PARD3: variants seen among roughly 807,000 people sequenced by gnomAD.
PARD3 encodes the protein partitioning defective 3 homolog.
A neutral mutation model predicts 155.4 loss-of-function variants in PARD3; 75 were observed. The observed-to-expected ratio is 0.48, with a 90% CI of 0.40 to 0.58. The LOEUF (loss-of-function observed/expected upper bound fraction) is 0.58. Ranked by LOEUF, PARD3 falls within the 20% of genes least tolerant of loss-of-function variation. The probability of loss-of-function intolerance (pLI) is 0.00; values close to 1 mark genes in which losing one functional copy is unlikely to be tolerated. For missense variants in PARD3, 1,642 were observed against 1,721.7 expected (o/e 0.95, Z 0.82); for synonymous variants, 576 against 610.5 (o/e 0.94, Z 0.83).
chr10:34,323,899 T>C (rs1958526559), intron 19 of PARD3, among the ~76,000 whole-genome samples: 1 of 152,314 alleles, frequency 6.6e-6, no homozygotes, highest in Admixed American at 6.5e-5. Flanking sequence ...CTGTTTTCTG[T>C]CCATGGGGAC....
At chr10:34,657,540 G>GTTTC (rs919945877) in intron 2 of PARD3, among the ~76,000 whole-genome samples, 1 of 151,822 alleles carries the variant, frequency 6.6e-6, no homozygotes, top group Non-Finnish European at 1.5e-5. Context: ...TTGTTTGTTT[G>GTTTC]TTTGTTTGTT....
intron 3 of PARD3, among the ~76,000 whole-genome samples, chr10:34,510,811 T>A (rs2081358599): frequency 1.3e-5 from 2 of 152,158 alleles, no homozygotes; most frequent in South Asian, 4.1e-4. Context: ...TGAAGAAAAT[T>A]CTAGAGATAT....
chr10:34,407,547 T>G (rs547145941), intron 5 of PARD3, among the ~76,000 whole-genome samples: 12 of 152,314 alleles, frequency 7.9e-5, no homozygotes, highest in African/African-American at 2.9e-4. Flanking sequence ...TTTATAGTTT[T>G]TCAAGTCTCA....
chr10:34,117,938 T>C (rs1363778260), intron 24 of PARD3, among the ~76,000 whole-genome samples: 1 of 152,112 alleles, frequency 6.6e-6, no homozygotes, highest in Non-Finnish European at 1.5e-5. Context: ...AAGCCCTTGA[T>C]AGCAACGGGC....
rs572730078 is a variant in PARD3, at chr10:34,591,971, C to T, written c.223-74812G>A. Among the ~76,000 whole-genome samples, 68 of 152,268 alleles carry T rather than the reference C, an allele frequency of 4.5e-4. 1 individual carries two copies. The South Asian group carries it at 0.012, about 26-fold the overall frequency. On this transcript the variant is annotated intron_variant, in intron 2 of 24. Transcript: ENST00000374788. ...AGAAAGCCACAAGGGAGATTAGCAA[C>T]GACTTGAAACACAGACAGGGATTTA...
rs1484598500 is a variant in PARD3, at chr10:34,382,572, AT to A, written c.1366del (p.Ile456Ter). On this transcript the variant is annotated frameshift_variant, in exon 9 of 25. Transcript: ENST00000374788. LOFTEE classifies it high-confidence loss of function. Reference sequence around the variant, plus strand: ...AAGCTGGATATTAAGCCTCTTGCCTATTTTTTTGGTGTTATAACCACTGCTT... The same window carrying A: ...AAGCTGGATATTAAGCCTCTTGCCTATTTTTTGGTGTTATAACCACTGCTT... The part of the protein sequence containing the change: ...TVSSGYNTKK[I>X]GKRLNIQLKK... The A allele has an allele frequency of 6.2e-7, 1 of 1,613,318 alleles. No individual in the cohort carries two copies. Among genetic ancestry groups the A allele is most frequent in the Non-Finnish European group, 8.5e-7 (1 of 1,179,914 alleles).
intron 22 of PARD3, among the ~76,000 whole-genome samples, chr10:34,268,187 C>T (rs1955424938): frequency 6.6e-6 from 1 of 152,096 alleles, no homozygotes; most frequent in South Asian, 2.1e-4. Context: ...AAATATATAG[C>T]CATTAAAACA....
chr10:34,122,488 G>C (rs1168560507), intron 23 of PARD3, among the ~76,000 whole-genome samples: 1 of 152,146 alleles, frequency 6.6e-6, no homozygotes, highest in East Asian at 1.9e-4. Flanking sequence ...AACTTAAAAG[G>C]AGTGAATGAG....
At chr10:34,511,385 G>A (rs2081389486) in intron 3 of PARD3, among the ~76,000 whole-genome samples, 3 of 152,138 alleles carry the variant, frequency 2.0e-5, no homozygotes, top group Non-Finnish European at 4.4e-5. Flanking sequence ...CTCTAACAGA[G>A]TACCTGACAC....
rs547518492 is a variant in PARD3, at chr10:34,301,948, C to A, written c.3065+15159G>T. 5.9e-5 allele frequency among the ~76,000 whole-genome samples: 9 copies of A among 151,840 alleles called. No homozygotes were observed. In the South Asian group the frequency reaches 1.9e-3, roughly 32 times the overall value. ...CTGGCCACAATTTTTACAAAAGCTG[C>A]CTCACAGTTCCTGACATCACTCTGG... On this transcript the variant is annotated intron_variant, in intron 20 of 24. Coordinates refer to ENST00000374788, the MANE Select transcript of PARD3 (RefSeq NM_001184785.2).
rs937659940 is a variant in PARD3 at position 34,182,408 on chromosome 10, T to C, written c.3420-50825A>G. On this transcript the variant is annotated intron_variant, in intron 22 of 24. Transcript: ENST00000374788. Reference sequence around the variant, plus strand: ...CCACTTCATCTGACTTACACTTTAGTAGAGATGTATGTGTGTGTACATAAA... The same window carrying C: ...CCACTTCATCTGACTTACACTTTAGCAGAGATGTATGTGTGTGTACATAAA... 3.9e-5 allele frequency among the ~76,000 whole-genome samples: 6 copies of C among 152,248 alleles called. No individual in the cohort carries two copies. In the East Asian group the frequency reaches 9.6e-4, roughly 24 times the overall value.
intron 5 of PARD3, among the ~76,000 whole-genome samples, chr10:34,446,136 T>C (rs1245059577): frequency 6.6e-6 from 1 of 152,130 alleles, no homozygotes; most frequent in Admixed American, 6.5e-5. Flanking sequence ...CTGTTCCCCT[T>C]CCTCTGTGCA....
chr10:34,339,720 T>C (rs1836595044), intron 16 of PARD3, among the ~76,000 whole-genome samples: 1 of 152,186 alleles, frequency 6.6e-6, no homozygotes, highest in Non-Finnish European at 1.5e-5. Context: ...GTGAACTACA[T>C]GTACAATTTA....
Position 34,632,155 on chromosome 10 carries a change from A to G in PARD3, c.222+64163T>C, listed in dbSNP as rs570596519. On this transcript the variant is annotated intron_variant, in intron 2 of 24. Coordinates refer to ENST00000374788, the MANE Select transcript of PARD3 (RefSeq NM_001184785.2). The stretch of plus-strand genomic sequence containing the variant: ...GCACCTGTAATCCCAGCTACTTGAG[A>G]GGCTGAGGCACCAGAATTGCTTGGA... Among the ~76,000 whole-genome samples, 9 of 152,308 alleles carry G rather than the reference A, an allele frequency of 5.9e-5. No homozygotes were observed. The South Asian group carries it at 6.2e-4, about 11-fold the overall frequency.
At chr10:34,317,958 C>T (rs1958114675) in intron 19 of PARD3, among the ~76,000 whole-genome samples, 1 of 152,200 alleles carries the variant, frequency 6.6e-6, no homozygotes, top group Admixed American at 6.5e-5. Context: ...GTAAATGCTA[C>T]TATATATTCT....
chr10:34,537,404 A>T (rs1005998844), intron 2 of PARD3, among the ~76,000 whole-genome samples: 1 of 152,260 alleles, frequency 6.6e-6, no homozygotes, highest in African/African-American at 2.4e-5. Flanking sequence ...TTTCTGGTGA[A>T]GAATGAGAGA....
rs2088128042 is a variant in PARD3 at position 34,586,995 on chromosome 10, A to AT, written c.223-69837dup. Among the ~76,000 whole-genome samples the AT allele has an allele frequency of 2.0e-5, 3 of 152,254 alleles. No homozygotes were observed. In the South Asian group the frequency reaches 6.2e-4, roughly 32 times the overall value. ...TGTAGGGGTGATACGGGACAAACTC[A>AT]TTTTTCTAGTCCAGTCAACTGGGAC... On this transcript the variant is annotated intron_variant, in intron 2 of 24. Coordinates refer to ENST00000374788, the MANE Select transcript of PARD3 (RefSeq NM_001184785.2).
intron 2 of PARD3, among the ~76,000 whole-genome samples, chr10:34,614,610 T>C (rs1258303961): frequency 1.3e-5 from 2 of 152,252 alleles, no homozygotes; most frequent in East Asian, 3.8e-4. Context: ...ATTTAAAAGA[T>C]TTTAAAGATG....
At position 34,815,122 on chromosome 10, in the gene PARD3, G is replaced by T. The variant is rs956512942; in HGVS notation, c.-127C>A. On this transcript the variant is annotated 5_prime_UTR_variant, in exon 1 of 25. Coordinates refer to ENST00000374788, the MANE Select transcript of PARD3 (RefSeq NM_001184785.2). The stretch of plus-strand genomic sequence containing the variant: ...CGGGCGCGCGGGCGGCTAGGGGCGC[G>T]GGCAGGCGGCGGCGACGCCGGGGGG... 2.8e-5 allele frequency: 11 copies of T among 387,474 alleles called. No individual in the cohort carries two copies. Among genetic ancestry groups the T allele is most frequent in the African/African-American group, 2.0e-4 (9 of 45,158 alleles). The allele number at this position is 387,474 out of a possible 1,614,324, so 24.0% of individuals were successfully genotyped here.
Sources: allele counts gnomAD v4.1 joint callset (sites outside exome capture counted in the v4.1 genomes callset), GRCh38; gene constraint gnomAD v4.1.1; transcripts MANE v1.5; gene names NCBI Gene and HGNC (gene_info 2026-07-23, HGNC 2026-07-21).